KCNT2: variants seen among roughly 807,000 people sequenced by gnomAD.
The protein encoded by KCNT2 is potassium sodium-activated channel subfamily T member 2.
Under a neutral mutation model 153.8 loss-of-function variants are expected in KCNT2, and 67 were observed. That is an observed-to-expected ratio of 0.44 (90% confidence interval 0.36 to 0.53). The LOEUF (loss-of-function observed/expected upper bound fraction) is 0.53, where lower values mean the gene tolerates loss of function less well. Among genes scored for constraint, KCNT2 ranks in the 20% least tolerant of loss-of-function variants. The pLI is 0.00. For missense variants in KCNT2, 975 were observed against 1,354.8 expected (o/e 0.72, Z 4.40); for synonymous variants, 500 against 458.8 (o/e 1.09, Z -1.15).
chr1:196,290,538 A>G (rs987516336), intron 22 of KCNT2, among the ~76,000 whole-genome samples: 2 of 151,022 alleles, frequency 1.3e-5, no homozygotes, highest in Non-Finnish European at 3.0e-5. Context: ...ATACATATAT[A>G]TGTGTGTGTG....
intron 16 of KCNT2, 107 bp from the exon 17 acceptor site, chr1:196,334,167 TAG>T (rs35078847): frequency 0.18 from 112,621 of 637,476 alleles, 11,239 homozygotes; most frequent in South Asian, 0.27. Context: ...AATATATATA[TAG>T]AGAGAGTATA....
chr1:196,531,263 C>A (rs1654900847), intron 1 of KCNT2, among the ~76,000 whole-genome samples: 6 of 152,072 alleles, frequency 3.9e-5, no homozygotes, highest in African/African-American at 1.2e-4. Context: ...TTGCCATTCT[C>A]ATAGCAGAAT....
rs1487022187 is a variant in KCNT2 at position 196,258,405 on chromosome 1, T to A, written c.3000A>T (p.Thr1000=). The change falls in exon 26 of 28, where the codon ACA becomes ACT. Residue 1000 remains threonine, a synonymous_variant. Coordinates refer to ENST00000294725, the MANE Select transcript of KCNT2 (RefSeq NM_198503.5). ...AGGGATGGTCCGACTGATCACTGGA[T>A]GTTGAGTTGCGGTGGTTGCTGCGGT... ...GHHRSNHRNS[T]SSDQSDHPLL... 3.7e-6 allele frequency: 6 copies of A among 1,614,062 alleles called. No homozygotes were observed. Among genetic ancestry groups the A allele is most frequent in the Non-Finnish European group, 5.1e-6 (6 of 1,179,992 alleles).
intron 1 of KCNT2, among the ~76,000 whole-genome samples, chr1:196,591,402 G>A (rs1663349085): frequency 6.6e-6 from 1 of 152,002 alleles, no homozygotes; most frequent in African/African-American, 2.4e-5. Flanking sequence ...CCAGCCTGAG[G>A]TATTCCTTTA....
intron 5 of KCNT2, among the ~76,000 whole-genome samples, chr1:196,477,123 A>G (rs770546823): frequency 6.6e-6 from 1 of 152,064 alleles, no homozygotes; most frequent in Non-Finnish European, 1.5e-5. Context: ...CTTATTCATC[A>G]ATCTGACATT....
intron 3 of KCNT2, among the ~76,000 whole-genome samples, chr1:196,487,430 GTGTGTA>G (rs1679517380): frequency 1.3e-5 from 2 of 151,698 alleles, no homozygotes; most frequent in East Asian, 3.9e-4. Context: ...GTGTGTGTGT[GTGTGTA>G]TGTATGTGTC....
In KCNT2 at chr1:196,597,208, A is replaced by C. The variant is rs183321532; in HGVS notation, c.95+11007T>G. Among the ~76,000 whole-genome samples, 35 of 152,194 alleles carry C rather than the reference A, an allele frequency of 2.3e-4. 2 individuals carry two copies. The East Asian group carries it at 6.8e-3, about 29-fold the overall frequency. The stretch of plus-strand genomic sequence containing the variant: ...GACTACATTTACATATCAGGTTCTC[A>C]ACAAAGAATGTAACTTCAATCTCTT... On this transcript the variant is annotated intron_variant, in intron 1 of 27. Transcript: ENST00000294725.
chr1:196,430,982 A>C (rs1279107165), intron 8 of KCNT2, among the ~76,000 whole-genome samples: 2 of 152,122 alleles, frequency 1.3e-5, no homozygotes, highest in African/African-American at 4.8e-5. Context: ...GGAGGTGATT[A>C]AATCTGGAGC....
chr1:196,274,719 T>A (rs1282057563), intron 25 of KCNT2, among the ~76,000 whole-genome samples: 1 of 151,872 alleles, frequency 6.6e-6, no homozygotes, highest in East Asian at 1.9e-4. Flanking sequence ...GGGTAACACA[T>A]TCCACAAATG....
chr1:196,299,457 AG>A (rs1660978091), intron 22 of KCNT2, among the ~76,000 whole-genome samples: 1 of 152,194 alleles, frequency 6.6e-6, no homozygotes, highest in Non-Finnish European at 1.5e-5. Context: ...GCAGAATAGA[AG>A]GTAACCTGCT....
intron 8 of KCNT2, among the ~76,000 whole-genome samples, chr1:196,450,787 G>A (rs1427226402): frequency 6.6e-6 from 1 of 151,616 alleles, no homozygotes; most frequent in Non-Finnish European, 1.5e-5. Flanking sequence ...AGTATCCACA[G>A]CATTTTTATT....
intron 8 of KCNT2, among the ~76,000 whole-genome samples, chr1:196,444,933 T>C (rs1343277782): frequency 1.3e-5 from 2 of 151,404 alleles, no homozygotes; most frequent in Admixed American, 6.6e-5. Flanking sequence ...AGTGAATTTA[T>C]AGCTCTAACC....
intron 8 of KCNT2, among the ~76,000 whole-genome samples, chr1:196,436,044 C>T (rs896864790): frequency 6.6e-5 from 10 of 151,394 alleles, no homozygotes; most frequent in African/African-American, 2.4e-4. Flanking sequence ...TTACTACTTC[C>T]GAGTTTTTAT....
chr1:196,336,478 A>G (rs1352528365), intron 16 of KCNT2, among the ~76,000 whole-genome samples: 3 of 152,164 alleles, frequency 2.0e-5, no homozygotes, highest in African/African-American at 7.2e-5. Flanking sequence ...CTATAATTAT[A>G]TACAATCTAT....
At chr1:196,454,194 C>T (rs1221472783) in intron 8 of KCNT2, among the ~76,000 whole-genome samples, 4 of 151,908 alleles carry the variant, frequency 2.6e-5, no homozygotes, top group Non-Finnish European at 5.9e-5. Context: ...ACGATTGTTG[C>T]AAATGCATTA....
At chr1:196,487,207 T>C (rs1359029965) in intron 3 of KCNT2, among the ~76,000 whole-genome samples, 1 of 151,958 alleles carries the variant, frequency 6.6e-6, no homozygotes, top group Non-Finnish European at 1.5e-5. Flanking sequence ...ATGATATAAC[T>C]GGTTCTCATG....
At chr1:196,575,129 GAATT>G (rs1572871891) in intron 1 of KCNT2, among the ~76,000 whole-genome samples, 1 of 152,082 alleles carries the variant, frequency 6.6e-6, no homozygotes, top group African/African-American at 2.4e-5. Context: ...TGAATGGTAT[GAATT>G]AATTAATCAT....
intron 22 of KCNT2, among the ~76,000 whole-genome samples, chr1:196,294,401 G>A (rs772343293): frequency 9.9e-5 from 15 of 152,044 alleles, no homozygotes; most frequent in Admixed American, 4.6e-4. Context: ...TCAGCCTCCC[G>A]AGTAGTTGGG....
At chr1:196,426,314 A>G (rs1673650586) in intron 10 of KCNT2, among the ~76,000 whole-genome samples, 1 of 152,024 alleles carries the variant, frequency 6.6e-6, no homozygotes. Context: ...CTACAGACTG[A>G]TCCTAAAATA....
Sources: gnomAD v4.1 joint callset for allele counts (sites outside exome capture counted in the v4.1 genomes callset) on GRCh38, gnomAD v4.1.1 for gene constraint, MANE v1.5 for transcripts, NCBI Gene and HGNC (gene_info 2026-07-23, HGNC 2026-07-21) for gene names.